The following SIN3B variants were observed in gnomAD, a reference collection of about 807,000 sequenced individuals.
SIN3B encodes the protein paired amphipathic helix protein Sin3b.
Under a neutral mutation model 120.2 loss-of-function variants are expected in SIN3B, and 19 were observed. The ratio of observed to expected loss-of-function variants is 0.16; its 90% CI spans 0.11 to 0.23. The LOEUF is 0.23. Among genes scored for constraint, SIN3B ranks in the 10% least tolerant of loss-of-function variants. SIN3B has a pLI of 1.00. For synonymous variants in SIN3B, 654 were observed against 653.2 expected (o/e 1.00, Z -0.02); for missense variants, 1,073 against 1,573.0 (o/e 0.68, Z 5.38).
At chr19:16,842,248 G>A (rs998988759) in intron 4 of SIN3B, among the ~76,000 whole-genome samples, 1 of 150,626 alleles carries the variant, frequency 6.6e-6, no homozygotes, top group Non-Finnish European at 1.5e-5. Flanking sequence ...GAACATGGGC[G>A]CACATCACCA....
At chr19:16,875,621 GGGTCT>G (rs1390367568) in intron 14 of SIN3B, among the ~76,000 whole-genome samples, 70 of 128,444 alleles carry the variant, frequency 5.4e-4, no homozygotes, top group South Asian at 1.0e-3. Flanking sequence ...GGTCTGGTTT[GGGTCT>G]GGTCTGGTCT....
At chr19:16,873,236 C>A (rs1249030089) in intron 14 of SIN3B, among the ~76,000 whole-genome samples, 1 of 152,094 alleles carries the variant, frequency 6.6e-6, no homozygotes, top group Non-Finnish European at 1.5e-5. Context: ...GGTGTTTGCG[C>A]CTGTTTCCGT....
chr19:16,867,944 T>A (rs1971801261), intron 12 of SIN3B, among the ~76,000 whole-genome samples: 1 of 152,162 alleles, frequency 6.6e-6, no homozygotes, highest in South Asian at 2.1e-4. Flanking sequence ...GCCCTGGAAA[T>A]CCACCAATGC....
chr19:16,862,666 C>T lies in SIN3B; in HGVS notation c.1266+107C>T, dbSNP rs950274449. Reference sequence around the variant, plus strand: ...TGAATGAAATGCTGTGTGCTCAGCCCTCCTGAATGTTGGGTTATGGGTGGT... The same window carrying T: ...TGAATGAAATGCTGTGTGCTCAGCCTTCCTGAATGTTGGGTTATGGGTGGT... On this transcript the variant is annotated intron_variant, in intron 9 of 18. Transcript: ENST00000248054. The surrounding 1 kb of genome is among the most constrained non-coding windows in gnomAD (Gnocchi z 4.7). The T allele has an allele frequency of 8.9e-6, 11 of 1,233,332 alleles. No homozygotes were observed. Among genetic ancestry groups the T allele is most frequent in the African/African-American group, 1.5e-5 (1 of 67,532 alleles). 76.4% of individuals were successfully genotyped at this position (1,233,332 alleles called of 1,614,324 possible).
chr19:16,840,759 C>A (rs1971407106), intron 3 of SIN3B, among the ~76,000 whole-genome samples: 1 of 152,218 alleles, frequency 6.6e-6, no homozygotes, highest in African/African-American at 2.4e-5. Flanking sequence ...GTTTCTCACA[C>A]TGTTCTGGGC....
intron 12 of SIN3B, among the ~76,000 whole-genome samples, chr19:16,866,931 AT>A (rs1380420841): frequency 6.6e-6 from 1 of 151,980 alleles, no homozygotes; most frequent in African/African-American, 2.4e-5. Flanking sequence ...TAATTTTTAT[AT>A]TTTTAGTAGA....
intron 4 of SIN3B, among the ~76,000 whole-genome samples, chr19:16,843,760 G>T (rs1424209170): frequency 6.6e-6 from 1 of 152,246 alleles, no homozygotes; most frequent in Non-Finnish European, 1.5e-5. Context: ...CCCAAACCGG[G>T]CTGCTGAGAG....
intron 3 of SIN3B, among the ~76,000 whole-genome samples, chr19:16,839,812 A>C (rs1203117399): frequency 6.6e-6 from 1 of 152,144 alleles, no homozygotes; most frequent in Non-Finnish European, 1.5e-5. Flanking sequence ...CTTGAGGTCA[A>C]GCGAGACCAG....
rs372160193 is a variant in SIN3B, at chr19:16,878,191, A to G, written c.2963A>G (p.Lys988Arg). Residue 988 changes from lysine (K) to arginine (R), a missense_variant, in exon 18 of 19, where the codon AAG becomes AGG. Coordinates refer to ENST00000248054, the MANE Select transcript of SIN3B (RefSeq NM_001297595.2). The part of the protein sequence containing the change: ...LKPVFLQRNL[K>R]KFRRRWQSEQ... ...CCTCCTTTCGCCCCCAGGAACCTCAAGAAGTTCCGCCGCCGGTGGCAGAGC... is the reference window on the plus strand; with the variant it reads ...CCTCCTTTCGCCCCCAGGAACCTCAGGAAGTTCCGCCGCCGGTGGCAGAGC... The G allele has an allele frequency of 7.0e-6, 11 of 1,573,028 alleles. No individual in the cohort carries two copies. Among genetic ancestry groups the G allele is most frequent in the South Asian group, 1.2e-5 (1 of 86,438 alleles).
chr19:16,842,850 T>TATCAGTCG (rs1205043456), intron 4 of SIN3B, among the ~76,000 whole-genome samples: 1 of 152,144 alleles, frequency 6.6e-6, no homozygotes, highest in African/African-American at 2.4e-5. Flanking sequence ...GGTTGAATCT[T>TATCAGTCG]GACATATCAG....
chr19:16,843,290 A>G (rs769527641), intron 4 of SIN3B, among the ~76,000 whole-genome samples: 2 of 152,172 alleles, frequency 1.3e-5, no homozygotes, highest in Non-Finnish European at 2.9e-5. Flanking sequence ...TTTTAAAATG[A>G]AATCCCTGCA....
At chr19:16,831,396 G>A in intron 2 of SIN3B, 98 bp from the exon 3 acceptor site, 1 of 1,270,404 alleles carries the variant, frequency 7.9e-7, no homozygotes, top group East Asian at 2.4e-5. Context: ...TGTCTGTTGA[G>A]AAGGTTTTTA....
chr19:16,832,812 C>T (rs1971297097), intron 3 of SIN3B, among the ~76,000 whole-genome samples: 1 of 152,060 alleles, frequency 6.6e-6, no homozygotes, highest in Admixed American at 6.6e-5. Flanking sequence ...CTCACTGCCC[C>T]TTCTATCTCT....
chr19:16,878,464 C>T (rs1778329270), intron 18 of SIN3B, 33 bp from the exon 19 acceptor site: 1 of 1,564,628 alleles, frequency 6.4e-7, no homozygotes, highest in Non-Finnish European at 8.7e-7. Flanking sequence ...GGGTCCAGCC[C>T]TCAGCTGCCC....
chr19:16,867,930 A>C (rs1971801130), intron 12 of SIN3B, among the ~76,000 whole-genome samples: 1 of 152,194 alleles, frequency 6.6e-6, no homozygotes, highest in Admixed American at 6.5e-5. Flanking sequence ...CAGATGATGA[A>C]GTAGCCCTGG....
At position 16,851,436 on chromosome 19, in the gene SIN3B, A is replaced by T. The variant is rs1480417935; in HGVS notation, c.751A>T (p.Met251Leu). The T allele has an allele frequency of 6.2e-7, 1 of 1,606,974 alleles. No homozygotes were observed. Residue 251 changes from methionine to leucine, a missense_variant, in exon 6 of 19, where the codon ATG (methionine) becomes TTG (leucine). Met to Leu is a conservative substitution (Grantham distance 15). Coordinates refer to ENST00000248054, the MANE Select transcript of SIN3B (RefSeq NM_001297595.2). ...GTTCACAGGAAACGGGCCGTGCGAG[A>T]TGCACAGCGTGCAGAAGAACGAGCA... ...SLFTGNGPCE[M>L]HSVQKNEHDK...
At chr19:16,875,883 G>GGTCTT (rs1416096795) in intron 14 of SIN3B, 172 bp from the exon 15 acceptor site, 3 of 741,874 alleles carry the variant, frequency 4.0e-6, no homozygotes, top group Non-Finnish European at 6.5e-6. Context: ...GGTCTGGTCT[G>GGTCTT]GTCTGTTTGG....
chr19:16,873,811 G>A (rs989787723), intron 14 of SIN3B, among the ~76,000 whole-genome samples: 1 of 152,214 alleles, frequency 6.6e-6, no homozygotes, highest in Non-Finnish European at 1.5e-5. Context: ...CTCACTGCGG[G>A]CCCCTCCACA....
rs780641130 is a variant in SIN3B at position 16,878,282 on chromosome 19, C to T, written c.3054C>T (p.Ser1018=). 30 of 1,602,114 alleles carry T rather than the reference C, an allele frequency of 1.9e-5. No homozygotes were observed. Among genetic ancestry groups the T allele is most frequent in the Admixed American group, 5.1e-5 (3 of 58,494 alleles). ...SSWKRLVGVE[S]ACDVDCRFKL... is the part of the protein sequence containing the mutation. ...GGAAGCGGCTGGTGGGCGTGGAGAG[C>T]GCCTGCGACGTGGACTGCCGCTTCA... Residue 1018 remains serine (S), a synonymous_variant, in exon 18 of 19, where the codon AGC becomes AGT. Coordinates refer to ENST00000248054, the MANE Select transcript of SIN3B (RefSeq NM_001297595.2).
Sources: allele counts gnomAD v4.1 joint callset (sites outside exome capture counted in the v4.1 genomes callset), GRCh38; gene constraint gnomAD v4.1.1; non-coding constraint Gnocchi (gnomAD v3.1); transcripts MANE v1.5; gene names NCBI Gene and HGNC (gene_info 2026-07-23, HGNC 2026-07-21).